RBFOX1: variants seen among roughly 807,000 people sequenced by gnomAD.
RBFOX1 encodes RNA binding fox-1 homolog 1.
In RBFOX1, 8 loss-of-function variants were observed where a neutral mutation model predicts 57.7. That is an observed-to-expected ratio of 0.14 (90% CI 0.08 to 0.25). The LOEUF (loss-of-function observed/expected upper bound fraction) is 0.25, where lower values mean the gene tolerates loss of function less well. Among genes scored for constraint, RBFOX1 ranks in the 10% least tolerant of loss-of-function variants. The probability of loss-of-function intolerance (pLI) is 1.00; values close to 1 mark genes in which losing one functional copy is unlikely to be tolerated. For missense variants in RBFOX1, 611 were observed against 548.5 expected (o/e 1.11, Z -1.14); for synonymous variants, 326 against 222.4 (o/e 1.47, Z -4.15).
chr16:7,660,128 G>A (rs747965130), intron 12 of RBFOX1, among the ~76,000 whole-genome samples: 4 of 152,120 alleles, frequency 2.6e-5, no homozygotes, highest in Non-Finnish European at 4.4e-5. Context: ...AGATTGTATA[G>A]TTTGGGCATT....
chr16:5,503,664 G>A (rs553483394), intron 2 of RBFOX1, among the ~76,000 whole-genome samples: 3 of 152,128 alleles, frequency 2.0e-5, no homozygotes, highest in African/African-American at 7.2e-5. Flanking sequence ...GGTTGGTCTT[G>A]AACTCCTGAC....
chr16:7,017,139 A>C (rs2093956531), intron 3 of RBFOX1, among the ~76,000 whole-genome samples: 1 of 152,082 alleles, frequency 6.6e-6, no homozygotes, highest in African/African-American at 2.4e-5. Flanking sequence ...AAAAAAGCAA[A>C]ACAGCTGTTA....
intron 4 of RBFOX1, among the ~76,000 whole-genome samples, chr16:7,232,854 T>TAA (rs35209426): frequency 0.28 from 36,264 of 128,330 alleles, 5,901 homozygotes; most frequent in East Asian, 0.66. Context: ...ATCTCTTAAT[T>TAA]AAAAAAAAAA....
chr16:7,219,916 T>C (rs554342475), intron 4 of RBFOX1, among the ~76,000 whole-genome samples: 1 of 152,332 alleles, frequency 6.6e-6, no homozygotes, highest in African/African-American at 2.4e-5. Context: ...AAAAATAGAA[T>C]GATCAGTAGG....
At chr16:6,169,145 T>C (rs2096939814) in intron 1 of RBFOX1, among the ~76,000 whole-genome samples, 1 of 152,146 alleles carries the variant, frequency 6.6e-6, no homozygotes, top group Non-Finnish European at 1.5e-5. Flanking sequence ...ATTGCATTGA[T>C]CTTGGGGTCA....
At chr16:6,942,157 T>C (rs1023025147) in intron 3 of RBFOX1, among the ~76,000 whole-genome samples, 1 of 152,106 alleles carries the variant, frequency 6.6e-6, no homozygotes, top group African/African-American at 2.4e-5. Flanking sequence ...GAGAATTGCT[T>C]GAACTTGGGA....
chr16:5,838,935 C>A (rs2056543648), intron 3 of RBFOX1, among the ~76,000 whole-genome samples: 1 of 152,152 alleles, frequency 6.6e-6, no homozygotes, highest in Non-Finnish European at 1.5e-5. Flanking sequence ...GTGTGCTTCT[C>A]AGCTGGAGGA....
chr16:6,895,448 G>GTGTATATATA (rs869028735), intron 3 of RBFOX1, among the ~76,000 whole-genome samples: 91 of 54,548 alleles, frequency 1.7e-3, no homozygotes, highest in Non-Finnish European at 2.4e-3. Flanking sequence ...GTGTGTGTGT[G>GTGTATATATA]TATATATATA....
chr16:6,379,975 G>T (rs1347306104), intron 2 of RBFOX1, among the ~76,000 whole-genome samples: 1 of 152,198 alleles, frequency 6.6e-6, no homozygotes, highest in Non-Finnish European at 1.5e-5. Context: ...GTTCCCAAGG[G>T]AGAGAGAGCA....
At chr16:7,173,775 A>T (rs1197192827) in intron 4 of RBFOX1, among the ~76,000 whole-genome samples, 1 of 152,206 alleles carries the variant, frequency 6.6e-6, no homozygotes, top group African/African-American at 2.4e-5. Context: ...TGCAGCACAA[A>T]GCATCATAAA....
At chr16:7,460,169 C>G (rs1202700306) in intron 4 of RBFOX1, among the ~76,000 whole-genome samples, 1 of 151,622 alleles carries the variant, frequency 6.6e-6, no homozygotes, top group Non-Finnish European at 1.5e-5. Context: ...TCCTCTTAGG[C>G]TGTCATTCCT....
intron 2 of RBFOX1, among the ~76,000 whole-genome samples, chr16:6,472,457 G>T (rs141755066): frequency 6.6e-5 from 10 of 152,268 alleles, no homozygotes; most frequent in Non-Finnish European, 1.0e-4. Flanking sequence ...GTCAAATCCA[G>T]TCATTGCTAT....
chr16:6,732,851 T>C (rs1375556577), intron 3 of RBFOX1, among the ~76,000 whole-genome samples: 2 of 152,246 alleles, frequency 1.3e-5, no homozygotes, highest in South Asian at 2.1e-4. Context: ...ACAGCCATTA[T>C]GTAAACTTTT....
chr16:7,710,266 G>A (rs1278234045), intron 15 of RBFOX1: 5 of 1,104,338 alleles, frequency 4.5e-6, no homozygotes, highest in East Asian at 1.6e-4. Flanking sequence ...GGAATGTGTT[G>A]GAGAGTTGAA....
At chr16:5,652,080 G>T (rs2049259244) in intron 3 of RBFOX1, among the ~76,000 whole-genome samples, 1 of 152,094 alleles carries the variant, frequency 6.6e-6, no homozygotes, top group Non-Finnish European at 1.5e-5. Flanking sequence ...GTTCTAGTGA[G>T]CCAAGATAAC....
At chr16:6,808,109 A>G (rs931987753) in intron 3 of RBFOX1, among the ~76,000 whole-genome samples, 9 of 149,032 alleles carry the variant, frequency 6.0e-5, no homozygotes, top group African/African-American at 2.2e-4. Flanking sequence ...TATATATAGG[A>G]TGTAGCAATA....
At chr16:5,727,125 G>A (rs757928718) in intron 3 of RBFOX1, among the ~76,000 whole-genome samples, 1 of 152,094 alleles carries the variant, frequency 6.6e-6, no homozygotes, top group Non-Finnish European at 1.5e-5. Context: ...AAATTAGCTG[G>A]GTGTTCTTTC....
chr16:6,973,965 C>A (rs2086184555), intron 3 of RBFOX1, among the ~76,000 whole-genome samples: 1 of 152,082 alleles, frequency 6.6e-6, no homozygotes, highest in African/African-American at 2.4e-5. Flanking sequence ...GTGTGGTGTT[C>A]CCCTCCCTGT....
intron 1 of RBFOX1, among the ~76,000 whole-genome samples, chr16:5,377,799 A>C (rs960774475): frequency 1.3e-5 from 2 of 151,440 alleles, no homozygotes; most frequent in Non-Finnish European, 2.9e-5. Context: ...GGTAAGGAAA[A>C]TAAATATGCA....
Sources: allele counts gnomAD v4.1 joint callset (sites outside exome capture counted in the v4.1 genomes callset), GRCh38; gene constraint gnomAD v4.1.1; transcripts MANE v1.5; gene names NCBI Gene and HGNC (gene_info 2026-07-23, HGNC 2026-07-21).